CAPN3: variants seen among roughly 807,000 people sequenced by gnomAD.
The protein encoded by CAPN3 is calpain-3.
Under a neutral mutation model 114.0 loss-of-function variants are expected in CAPN3, and 88 were observed. That is an observed-to-expected ratio of 0.77 (90% CI 0.65 to 0.92). The LOEUF (loss-of-function observed/expected upper bound fraction) is 0.92. Ranked by LOEUF, CAPN3 falls within the 40% of genes least tolerant of loss-of-function variation. The pLI is 0.00. For missense variants in CAPN3, 1,028 were observed against 1,069.0 expected, an observed-to-expected ratio of 0.96 and a Z score of 0.53; for synonymous variants, 386 against 382.9, an observed-to-expected ratio of 1.01 and a Z score of -0.09.
chr15:42,378,056 T>A (rs922988475), intron 1 of CAPN3, among the ~76,000 whole-genome samples: 1 of 152,178 alleles, frequency 6.6e-6, no homozygotes, highest in Admixed American at 6.6e-5. Context: ...ATGAATAACA[T>A]ACCAAGACAC....
intron 1 of CAPN3, among the ~76,000 whole-genome samples, chr15:42,377,558 T>C (rs1300928548): frequency 1.3e-5 from 2 of 152,216 alleles, no homozygotes; most frequent in African/African-American, 4.8e-5. Context: ...TACATTGTTG[T>C]ATTTGAGTTG....
intron 8 of CAPN3, among the ~76,000 whole-genome samples, chr15:42,394,791 T>C (rs2053646474): frequency 6.6e-6 from 1 of 152,174 alleles, no homozygotes; most frequent in Non-Finnish European, 1.5e-5. Context: ...ACCCGTGCTG[T>C]CCCTGTATAA....
rs749697583 is a variant in CAPN3 at position 42,386,265 on chromosome 15, G to C, written c.478G>C (p.Ala160Pro). 6.2e-7 allele frequency: 1 copy of C among 1,612,540 alleles called. No homozygotes were observed. Residue 160 changes from alanine (A) to proline (P), a missense_variant, in exon 3 of 24, where the codon GCA (alanine) becomes CCA (proline). Transcript: ENST00000397163. ...TGATCAAAGTTTCATCGAAAACTACGCAGGGATCTTCCACTTCCAGGTGAG... is the reference window on the plus strand; with the variant it reads ...TGATCAAAGTTTCATCGAAAACTACCCAGGGATCTTCCACTTCCAGGTGAG... ...PHDQSFIENY[A>P]GIFHFQFWRY...
At position 42,412,197 on chromosome 15, in the gene CAPN3, T is replaced by C. The variant is rs1331473782; in HGVS notation, c.*424T>C. The stretch of plus-strand genomic sequence containing the variant: ...CAGGAACCAAACCAGCACTGGGTTC[T>C]ACTGCTGTGGGGTAAACTAACTCAG... On this transcript the variant is annotated 3_prime_UTR_variant, in exon 24 of 24. Transcript: ENST00000397163. The C allele has an allele frequency of 6.5e-7, 1 of 1,535,964 alleles. No individual in the cohort carries two copies.
intron 1 of CAPN3, among the ~76,000 whole-genome samples, chr15:42,378,299 C>T (rs1415223111): frequency 6.6e-6 from 1 of 152,226 alleles, no homozygotes; most frequent in Non-Finnish European, 1.5e-5. Context: ...TTTAGGACCA[C>T]ATGAGTAAAC....
At chr15:42,410,319 A>G in intron 19 of CAPN3, 109 bp from the exon 20 acceptor site, 1 of 994,862 alleles carries the variant, frequency 1.0e-6, no homozygotes, top group Non-Finnish European at 1.6e-6. Flanking sequence ...GGGAGGGTTA[A>G]ATAGTACAAC....
At chr15:42,385,207 G>A (rs1419778305) in intron 2 of CAPN3, among the ~76,000 whole-genome samples, 3 of 152,172 alleles carry the variant, frequency 2.0e-5, no homozygotes, top group African/African-American at 7.2e-5. Flanking sequence ...TTAAATTTGA[G>A]GAAAAGGGGG....
intron 11 of CAPN3, 91 bp downstream of exon 11, chr15:42,401,901 C>A: frequency 6.9e-7 from 1 of 1,441,738 alleles, no homozygotes; most frequent in South Asian, 1.2e-5. Flanking sequence ...CTGGCTTCCT[C>A]AATACCCAGT....
At chr15:42,391,103 T>C (rs1448590662) in intron 6 of CAPN3, among the ~76,000 whole-genome samples, 2 of 152,194 alleles carry the variant, frequency 1.3e-5, no homozygotes, top group Non-Finnish European at 2.9e-5. Context: ...TAGTTTGATA[T>C]TCTTAATGTG....
At chr15:42,386,334 C>T (rs555686014) in intron 3 of CAPN3, 49 bp downstream of exon 3, 17 of 1,287,626 alleles carry the variant, frequency 1.3e-5, no homozygotes, top group African/African-American at 5.8e-5. Flanking sequence ...GGCCACCCAC[C>T]GCTGGTCTCC....
chr15:42,407,531 C>T (rs1390364859), intron 15 of CAPN3, among the ~76,000 whole-genome samples: 1 of 152,124 alleles, frequency 6.6e-6, no homozygotes, highest in Non-Finnish European at 1.5e-5. Flanking sequence ...GGGTTTCACC[C>T]AGTTAGCCAG....
In CAPN3 at chr15:42,392,621, C is replaced by A; in HGVS notation, c.946-18C>A. 6.2e-7 allele frequency: 1 copy of A among 1,606,844 alleles called. No homozygotes were observed. ...TGTTCCCCCGCCCCTAATGGGTTCT[C>A]TGGTTACTGCTCTACAGACAATCAT... On this transcript the variant is annotated intron_variant, in intron 6 of 23. Coordinates refer to ENST00000397163, the MANE Select transcript of CAPN3 (RefSeq NM_000070.3).
chr15:42,401,951 T>A, intron 11 of CAPN3, 141 bp downstream of exon 11: 1 of 1,340,152 alleles, frequency 7.5e-7, no homozygotes, highest in Non-Finnish European at 1.1e-6. Flanking sequence ...CTTGTGTTTG[T>A]AACAAGCAAA....
chr15:42,409,404 G>A lies in CAPN3; in HGVS notation c.1992+24G>A, dbSNP rs758410521. ...ATGTGAGTACCTCCAAGCCCAGGAC[G>A]CCCACAGGTGCTTCCTTCTCTCCTG... On this transcript the variant is annotated intron_variant, in intron 17 of 23. Coordinates refer to ENST00000397163, the MANE Select transcript of CAPN3 (RefSeq NM_000070.3). The A allele has an allele frequency of 6.3e-6, 10 of 1,588,002 alleles. No homozygotes were observed. The East Asian group carries it at 1.3e-4, about 21-fold the overall frequency.
In CAPN3 at chr15:42,360,091, C is replaced by G. The variant is rs1476836379; in HGVS notation, c.286C>G (p.Gln96Glu). ...CTTTTATAGCCAGAAGTTCCCCATC[C>G]AGTTCGTCTGGAAGAGACCTCCGGT... Reference protein sequence around the residue: ...SLFYSQKFPIQFVWKRPPEIC... With the variant: ...SLFYSQKFPIEFVWKRPPEIC... Residue 96 changes from glutamine (Q) to glutamate (E), a missense_variant, in exon 1 of 24, where the codon CAG becomes GAG. Transcript: ENST00000397163. The G allele has an allele frequency of 8.7e-6, 14 of 1,614,110 alleles. No homozygotes were observed. In the Admixed American group the frequency reaches 2.3e-4, roughly 27 times the overall value.
intron 1 of CAPN3, among the ~76,000 whole-genome samples, chr15:42,371,773 G>A (rs144448006): frequency 0.01 from 1,528 of 152,070 alleles, 34 homozygotes; most frequent in African/African-American, 0.035. Flanking sequence ...AGACCAGCCC[G>A]GCCAATATGC....
intron 1 of CAPN3, among the ~76,000 whole-genome samples, chr15:42,375,603 A>T (rs371132232): frequency 1.3e-5 from 2 of 152,210 alleles, no homozygotes; most frequent in South Asian, 2.1e-4. Flanking sequence ...CTGCAAGATG[A>T]TCCATTGGAG....
In CAPN3 at chr15:42,412,290, C is replaced by G; in HGVS notation, c.*517C>G. The G allele has an allele frequency of 9.2e-7, 1 of 1,089,066 alleles. No individual in the cohort carries two copies. The highest frequency in any genetic ancestry group is 1.3e-6 in the Non-Finnish European group (1 of 753,968). 67.5% of individuals were successfully genotyped at this position (1,089,066 alleles called of 1,614,324 possible). On this transcript the variant is annotated 3_prime_UTR_variant, in exon 24 of 24. Coordinates refer to ENST00000397163, the MANE Select transcript of CAPN3 (RefSeq NM_000070.3). ...TGGCTGCATTTTGAAAAAAGCTGAT[C>G]TAAATAAAGGCATGTGTATGGCTGG... is the stretch of plus-strand genomic sequence containing the variant.
chr15:42,396,648 A>T, intron 8 of CAPN3, 152 bp from the exon 9 acceptor site: 2 of 670,540 alleles, frequency 3.0e-6, no homozygotes, highest in Non-Finnish European at 5.5e-6. Flanking sequence ...AGTCATTGCT[A>T]TTGGGTTTCA....
Sources: gnomAD v4.1 joint callset for allele counts (sites outside exome capture counted in the v4.1 genomes callset) on GRCh38, gnomAD v4.1.1 for gene constraint, MANE v1.5 for transcripts, NCBI Gene and HGNC (gene_info 2026-07-23, HGNC 2026-07-21) for gene names.